The following TNRC6B variants were observed in gnomAD, a reference collection of about 807,000 sequenced individuals.
The protein encoded by TNRC6B is trinucleotide repeat-containing gene 6B protein.
Under a neutral mutation model 203.6 loss-of-function variants are expected in TNRC6B, and 52 were observed. The observed-to-expected ratio is 0.26, with a 90% CI of 0.20 to 0.32. The LOEUF is 0.32. Among genes scored for constraint, TNRC6B ranks in the 10% least tolerant of loss-of-function variants. The pLI is 1.00. For missense variants in TNRC6B, 1,923 were observed against 2,286.2 expected (o/e 0.84, Z 3.24); for synonymous variants, 838 against 845.7 (o/e 0.99, Z 0.16).
intron 4 of TNRC6B, among the ~76,000 whole-genome samples, chr22:40,158,852 T>A (rs1377698516): frequency 6.6e-6 from 1 of 152,196 alleles, no homozygotes; most frequent in East Asian, 1.9e-4. Flanking sequence ...GCAACAACAA[T>A]AAAAATATTT....
At chr22:40,071,168 C>G (rs1403112098) in intron 1 of TNRC6B, among the ~76,000 whole-genome samples, 2 of 151,948 alleles carry the variant, frequency 1.3e-5, no homozygotes, top group Admixed American at 6.6e-5. Flanking sequence ...TGTTCTTTCT[C>G]TATAGGCCAG....
At chr22:40,160,171 C>T (rs932010196) in intron 4 of TNRC6B, among the ~76,000 whole-genome samples, 3 of 151,972 alleles carry the variant, frequency 2.0e-5, no homozygotes, top group Admixed American at 6.6e-5. Flanking sequence ...ATACTACAGT[C>T]ATTCTTCTCT....
chr22:40,153,447 A>G (rs1273007271), intron 3 of TNRC6B, among the ~76,000 whole-genome samples: 1 of 152,168 alleles, frequency 6.6e-6, no homozygotes, highest in East Asian at 1.9e-4. Flanking sequence ...AGTGAAACTG[A>G]TAGATTACCT....
intron 1 of TNRC6B, among the ~76,000 whole-genome samples, chr22:40,207,418 A>ATAT (rs1555889669): frequency 8.5e-5 from 11 of 128,860 alleles, no homozygotes; most frequent in East Asian, 6.4e-4. Context: ...AAAAAAAAAA[A>ATAT]ATATATATAT....
intron 1 of TNRC6B, among the ~76,000 whole-genome samples, chr22:40,073,895 T>C (rs931837666): frequency 1.3e-5 from 2 of 151,958 alleles, no homozygotes; most frequent in African/African-American, 2.4e-5. Context: ...CCAGCTCTAC[T>C]AAAAACAAAA....
Position 40,331,894 on chromosome 22 carries a change from C to A in TNRC6B, c.*8653C>A. On this transcript the variant is annotated 3_prime_UTR_variant, in exon 23 of 23. Transcript: ENST00000454349. ...AAGGTCAGCACAGTGAGATAGAGAC[C>A]TCTGAGTCCTCTTGCCACTGTTGCT... The A allele has an allele frequency of 3.1e-6, 1 of 324,688 alleles. No homozygotes were observed. Among genetic ancestry groups the A allele is most frequent in the Non-Finnish European group, 5.6e-6 (1 of 177,780 alleles). 20.1% of individuals were successfully genotyped at this position (324,688 alleles called of 1,614,324 possible).
intron 1 of TNRC6B, among the ~76,000 whole-genome samples, chr22:40,105,989 A>G (rs1452287058): frequency 6.6e-6 from 1 of 152,108 alleles, no homozygotes; most frequent in African/African-American, 2.4e-5. Flanking sequence ...ATGGTGTATC[A>G]TTATGATTTT....
At chr22:40,077,281 A>C (rs770569500) in intron 1 of TNRC6B, among the ~76,000 whole-genome samples, 2 of 152,158 alleles carry the variant, frequency 1.3e-5, no homozygotes, top group Non-Finnish European at 2.9e-5. Context: ...CACGAGCAGA[A>C]AGCCAGAGCC....
chr22:40,196,959 T>C (rs907529340), intron 1 of TNRC6B, among the ~76,000 whole-genome samples: 1 of 151,990 alleles, frequency 6.6e-6, no homozygotes, highest in Non-Finnish European at 1.5e-5. Context: ...AAAAAAGGAG[T>C]GCTGACAGCT....
At chr22:40,293,625 G>T (rs905171653) in intron 12 of TNRC6B, among the ~76,000 whole-genome samples, 2 of 151,782 alleles carry the variant, frequency 1.3e-5, no homozygotes, top group East Asian at 1.9e-4. Flanking sequence ...GGGGGCGGAG[G>T]GGGGTAGGGG....
intron 1 of TNRC6B, among the ~76,000 whole-genome samples, chr22:40,059,836 C>T (rs61198267): frequency 0.075 from 6,587 of 87,388 alleles, 435 homozygotes; most frequent in African/African-American, 0.21. Context: ...TTTTTTTTTT[C>T]CCCCCGAGAC....
chr22:40,197,325 C>A (rs1305512426), intron 1 of TNRC6B, among the ~76,000 whole-genome samples: 2 of 151,950 alleles, frequency 1.3e-5, no homozygotes, highest in Non-Finnish European at 2.9e-5. Flanking sequence ...TGTTGCCCCT[C>A]GCTGGAGCGC....
At chr22:40,320,299 G>C (rs1440962846) in intron 21 of TNRC6B, among the ~76,000 whole-genome samples, 1 of 152,132 alleles carries the variant, frequency 6.6e-6, no homozygotes, top group Non-Finnish European at 1.5e-5. Flanking sequence ...GGCCAACATG[G>C]TGAAACCCTG....
chr22:40,213,719 G>A lies in TNRC6B; in HGVS notation c.6-32296G>A, dbSNP rs1490763963. The stretch of plus-strand genomic sequence containing the variant: ...GAGTGCCTGGGAGGCTGCATAGAGT[G>A]CAGTGATCGCACAGCTAGTAAATGA... On this transcript the variant is annotated intron_variant, in intron 1 of 22. Transcript: ENST00000454349. 4.6e-5 allele frequency among the ~76,000 whole-genome samples: 7 copies of A among 152,160 alleles called. No homozygotes were observed. The South Asian group carries it at 6.2e-4, about 14-fold the overall frequency.
At chr22:40,128,049 A>G (rs1356738939) in intron 3 of TNRC6B, among the ~76,000 whole-genome samples, 1 of 152,224 alleles carries the variant, frequency 6.6e-6, no homozygotes, top group African/African-American at 2.4e-5. Flanking sequence ...TGATTTTTCA[A>G]TTACTGAATA....
At chr22:40,200,443 C>T (rs763905288) in intron 1 of TNRC6B, among the ~76,000 whole-genome samples, 4 of 150,948 alleles carry the variant, frequency 2.6e-5, no homozygotes, top group Non-Finnish European at 4.4e-5. Context: ...TGCACCCCCA[C>T]GCCCAGCTAA....
intron 4 of TNRC6B, among the ~76,000 whole-genome samples, chr22:40,164,191 G>T (rs2068896957): frequency 2.0e-5 from 3 of 150,556 alleles, no homozygotes; most frequent in Non-Finnish European, 2.9e-5. Flanking sequence ...AGACCAGCCT[G>T]ACCAGCATGG....
Position 40,277,121 on chromosome 22 carries a change from T to C in TNRC6B, c.3186T>C (p.Leu1062=). Residue 1062 remains leucine (L), a synonymous_variant, in exon 8 of 23, where the codon CTT becomes CTC. Transcript: ENST00000454349. ...ACAATGATTCATGGATGAATCCTCT[T>C]GCCAAACAGTTTTCAAATATGGGAT... ...GGNNDSWMNP[L]AKQFSNMGLL... 6.2e-7 allele frequency: 1 copy of C among 1,608,578 alleles called. No homozygotes were observed.
At chr22:40,072,886 AAAG>A (rs1189700624) in intron 1 of TNRC6B, among the ~76,000 whole-genome samples, 2 of 150,466 alleles carry the variant, frequency 1.3e-5, no homozygotes, top group African/African-American at 4.9e-5. Flanking sequence ...AAAAAAAAAA[AAAG>A]CTGGCTTCAC....
Sources: gnomAD v4.1 joint callset for allele counts (sites outside exome capture counted in the v4.1 genomes callset) on GRCh38, gnomAD v4.1.1 for gene constraint, MANE v1.5 for transcripts, NCBI Gene and HGNC (gene_info 2026-07-23, HGNC 2026-07-21) for gene names.